The following TULP3 variants were observed in gnomAD, a reference collection of about 807,000 sequenced individuals.
The protein encoded by TULP3 is tubby-related protein 3.
TULP3 carries 38 observed loss-of-function variants against 50.7 expected under a neutral mutation model. That is an observed-to-expected ratio of 0.75 (90% confidence interval 0.58 to 0.98). TULP3 has a LOEUF of 0.98. Among genes scored for constraint, TULP3 ranks in the 50% least tolerant of loss-of-function variants. The pLI is 0.00. For missense variants in TULP3, 550 were observed against 568.0 expected (o/e 0.97, Z 0.32); for synonymous variants, 183 against 196.6 (o/e 0.93, Z 0.58).
At chr12:2,902,664 A>G (rs1158230402) in intron 1 of TULP3, among the ~76,000 whole-genome samples, 1 of 152,208 alleles carries the variant, frequency 6.6e-6, no homozygotes, top group African/African-American at 2.4e-5. Context: ...CATTAGTAAC[A>G]TTATTCAGTG....
chr12:2,901,862 G>C (rs1404583223), intron 1 of TULP3, among the ~76,000 whole-genome samples: 1 of 152,116 alleles, frequency 6.6e-6, no homozygotes, highest in African/African-American at 2.4e-5. Flanking sequence ...CCAACTTGCT[G>C]ATTTTTAAGT....
At chr12:2,929,146 G>A (rs1277392008) in intron 4 of TULP3, among the ~76,000 whole-genome samples, 6 of 151,492 alleles carry the variant, frequency 4.0e-5, no homozygotes, top group African/African-American at 1.5e-4. Flanking sequence ...GTGAAACCCC[G>A]TCTCTACTAA....
chr12:2,915,779 C>T (rs921906047), intron 2 of TULP3, among the ~76,000 whole-genome samples: 2 of 151,688 alleles, frequency 1.3e-5, no homozygotes, highest in Non-Finnish European at 2.9e-5. Context: ...CCTTTGACCT[C>T]GTGATCTGCC....
At chr12:2,916,520 T>A (rs940356568) in intron 2 of TULP3, among the ~76,000 whole-genome samples, 1 of 152,230 alleles carries the variant, frequency 6.6e-6, no homozygotes, top group Non-Finnish European at 1.5e-5. Flanking sequence ...ATATGACACT[T>A]AAAATCACGA....
chr12:2,923,371 T>C (rs2098192867), intron 4 of TULP3, among the ~76,000 whole-genome samples: 1 of 152,118 alleles, frequency 6.6e-6, no homozygotes, highest in African/African-American at 2.4e-5. Flanking sequence ...AAAGTATGTT[T>C]TGGCCAGGCT....
rs748075740 is a variant in TULP3, at chr12:2,930,281, C to T, written c.428C>T (p.Thr143Ile). The T allele has an allele frequency of 6.2e-7, 1 of 1,612,914 alleles. No homozygotes were observed. The highest frequency in any genetic ancestry group is 2.2e-5 in the East Asian group (1 of 44,864). ...ISESVNFDEE[T>I]DGISQSACLE... Reference sequence around the variant, plus strand: ...GAAAGTGTGAACTTCGATGAGGAGACTGATGGAATATCCCAGTCAGCATGT... The same window carrying T: ...GAAAGTGTGAACTTCGATGAGGAGATTGATGGAATATCCCAGTCAGCATGT... The change falls in exon 5 of 11, where the codon ACT (threonine) becomes ATT (isoleucine). Residue 143 changes from threonine (T) to isoleucine (I), a missense_variant. Physicochemically the swap from Thr to Ile is moderately conservative, Grantham distance 89 (BLOSUM62 -1). Coordinates refer to ENST00000448120, the MANE Select transcript of TULP3 (RefSeq NM_003324.5).
chr12:2,902,537 A>G (rs2098179852), intron 1 of TULP3, among the ~76,000 whole-genome samples: 1 of 152,192 alleles, frequency 6.6e-6, no homozygotes, highest in Admixed American at 6.6e-5. Flanking sequence ...AACACTCTTG[A>G]TTGTTTAGTG....
chr12:2,929,030 C>G (rs1157940367), intron 4 of TULP3, among the ~76,000 whole-genome samples: 1 of 150,704 alleles, frequency 6.6e-6, no homozygotes, highest in African/African-American at 2.5e-5. Context: ...GCCTTCCCTT[C>G]CCTTCCAAAT....
chr12:2,891,808 C>G (rs1007843403), intron 1 of TULP3, among the ~76,000 whole-genome samples: 1 of 152,128 alleles, frequency 6.6e-6, no homozygotes, highest in Admixed American at 6.6e-5. Context: ...ATCCCCAGCA[C>G]TTTGGGAGGC....
chr12:2,899,622 G>GCA (rs2098177736), intron 1 of TULP3, among the ~76,000 whole-genome samples: 1 of 151,808 alleles, frequency 6.6e-6, no homozygotes, highest in Non-Finnish European at 1.5e-5. Context: ...GGCCGGGCGT[G>GCA]GTGGCTCACG....
intron 5 of TULP3, 123 bp from the exon 6 acceptor site, chr12:2,930,914 A>T (rs1201030954): frequency 1.9e-6 from 2 of 1,055,178 alleles, no homozygotes; most frequent in African/African-American, 1.6e-5. Context: ...AGTTTTCCTC[A>T]TTCTGTCAGA....
In TULP3 at chr12:2,940,343, G is replaced by A. The variant is rs1180967377; in HGVS notation, c.*899G>A. The A allele has an allele frequency of 2.1e-6, 3 of 1,461,844 alleles. No individual in the cohort carries two copies. Among genetic ancestry groups the A allele is most frequent in the Admixed American group, 2.5e-5 (1 of 40,682 alleles). 90.6% of individuals were successfully genotyped at this position (1,461,844 alleles called of 1,614,324 possible). ...AGTTAAAAAAAAAAAAAAAAAGGTG[G>A]CAGGAGAGGCTTTGGGGAGGATCAG... On this transcript the variant is annotated 3_prime_UTR_variant, in exon 11 of 11. Transcript: ENST00000448120.
intron 1 of TULP3, among the ~76,000 whole-genome samples, chr12:2,891,284 C>T (rs1332927620): frequency 1.3e-5 from 2 of 152,166 alleles, no homozygotes; most frequent in Non-Finnish European, 2.9e-5. Flanking sequence ...CCCCTCTGGG[C>T]CTCGGGTTTC....
intron 2 of TULP3, among the ~76,000 whole-genome samples, chr12:2,919,964 A>G (rs2098190742): frequency 6.6e-6 from 1 of 151,996 alleles, no homozygotes; most frequent in African/African-American, 2.4e-5. Context: ...ACTAATTAGA[A>G]CATGGAAATA....
chr12:2,922,261 G>A lies in TULP3; in HGVS notation c.254-1G>A. 6.2e-7 allele frequency: 1 copy of A among 1,610,326 alleles called. No individual in the cohort carries two copies. The highest frequency in any genetic ancestry group is 8.5e-7 in the Non-Finnish European group (1 of 1,179,176). Reference sequence around the variant, plus strand: ...AAAATTCATTTTATTTTGGCCCTTAGGTATTGATGGTCCAGCTGCTGTCCT... The same window carrying A: ...AAAATTCATTTTATTTTGGCCCTTAAGTATTGATGGTCCAGCTGCTGTCCT... On this transcript the variant is annotated splice_acceptor_variant, in intron 3 of 10. Transcript: ENST00000448120. LOFTEE classifies it high-confidence loss of function.
chr12:2,911,350 C>T (rs906811896), intron 2 of TULP3, among the ~76,000 whole-genome samples: 1 of 151,392 alleles, frequency 6.6e-6, no homozygotes, highest in East Asian at 1.9e-4. Flanking sequence ...CAGAGATAGT[C>T]AGTGAATTTT....
intron 1 of TULP3, among the ~76,000 whole-genome samples, chr12:2,905,374 C>T (rs897748225): frequency 1.2e-4 from 18 of 151,746 alleles, no homozygotes; most frequent in Admixed American, 3.3e-4. Context: ...TTAGTAGAGA[C>T]GGGGTTTCAC....
chr12:2,911,416 A>T (rs1264312441), intron 2 of TULP3, among the ~76,000 whole-genome samples: 2 of 151,440 alleles, frequency 1.3e-5, no homozygotes, highest in African/African-American at 4.8e-5. Context: ...GCAGTGGCGC[A>T]ATCTTGCCTC....
chr12:2,926,643 G>A (rs548913841), intron 4 of TULP3, among the ~76,000 whole-genome samples: 2 of 151,926 alleles, frequency 1.3e-5, no homozygotes, highest in Admixed American at 6.6e-5. Flanking sequence ...GGCTCACGCC[G>A]GTAATTCCAG....
Sources: allele counts gnomAD v4.1 joint callset (sites outside exome capture counted in the v4.1 genomes callset), GRCh38; gene constraint gnomAD v4.1.1; transcripts MANE v1.5; gene names NCBI Gene and HGNC (gene_info 2026-07-23, HGNC 2026-07-21).